The following UBE2F variants were observed in gnomAD, a reference collection of about 807,000 sequenced individuals.
The protein encoded by UBE2F is NEDD8-conjugating enzyme UBE2F.
In UBE2F, 5 loss-of-function variants were observed where a neutral mutation model predicts 29.6. That is an observed-to-expected ratio of 0.17 (90% CI 0.09 to 0.36). UBE2F has a LOEUF of 0.36. Ranked by LOEUF, UBE2F falls within the 10% of genes least tolerant of loss-of-function variation. The probability of loss-of-function intolerance (pLI) is 1.00; values close to 1 mark genes in which losing one functional copy is unlikely to be tolerated. For synonymous variants in UBE2F, 66 were observed against 81.8 expected, an observed-to-expected ratio of 0.81 and a Z score of 1.04; for missense variants, 141 against 228.5, an observed-to-expected ratio of 0.62 and a Z score of 2.47.
At chr2:238,018,374 G>A (rs2064212505) in intron 5 of UBE2F, among the ~76,000 whole-genome samples, 1 of 152,120 alleles carries the variant, frequency 6.6e-6, no homozygotes, top group South Asian at 2.1e-4. Flanking sequence ...CAAGTCGTGA[G>A]GCATCAGAGA....
At position 237,967,979 on chromosome 2, in the gene UBE2F, G is replaced by A. The variant is rs2063095405; in HGVS notation, c.-17+847G>A. On this transcript the variant is annotated intron_variant, in intron 1 of 9. Coordinates refer to ENST00000272930, the MANE Select transcript of UBE2F (RefSeq NM_080678.3). This position sits in a 1 kb window ranked among gnomAD's most constrained non-coding sequence, Gnocchi z 6.3. The stretch of plus-strand genomic sequence containing the variant: ...GAATAGCCAGAGAAAGCTTCTTGGA[G>A]GAGGAGATGTTGGGATGTAGGTAGG... Among the ~76,000 whole-genome samples the A allele has an allele frequency of 6.6e-6, 1 of 152,174 alleles. No homozygotes were observed. Among genetic ancestry groups the A allele is most frequent in the South Asian group, 2.1e-4 (1 of 4,834 alleles).
At chr2:238,038,080 G>C (rs1037386564) in intron 9 of UBE2F, among the ~76,000 whole-genome samples, 1 of 152,214 alleles carries the variant, frequency 6.6e-6, no homozygotes, top group Non-Finnish European at 1.5e-5. Context: ...CCTGACCATG[G>C]CCCCAAAGAG....
intron 3 of UBE2F, among the ~76,000 whole-genome samples, chr2:237,990,833 C>A (rs2063573355): frequency 1.3e-5 from 2 of 151,796 alleles, no homozygotes; most frequent in Admixed American, 6.6e-5. Flanking sequence ...CCAGGCTGAT[C>A]TCAAACTCCT....
chr2:238,031,289 G>A (rs2064570365), intron 7 of UBE2F, among the ~76,000 whole-genome samples: 1 of 152,206 alleles, frequency 6.6e-6, no homozygotes, highest in Non-Finnish European at 1.5e-5. Flanking sequence ...CCCTCTCCCT[G>A]GCAGACTCCT....
At chr2:238,004,873 C>T (rs561655986) in intron 4 of UBE2F, among the ~76,000 whole-genome samples, 2 of 152,294 alleles carry the variant, frequency 1.3e-5, no homozygotes, top group African/African-American at 4.8e-5. Flanking sequence ...CAGAAAGACT[C>T]ACCTGCCACT....
intron 4 of UBE2F, among the ~76,000 whole-genome samples, chr2:238,015,515 T>A (rs889792297): frequency 2.6e-5 from 4 of 152,026 alleles, no homozygotes; most frequent in African/African-American, 9.7e-5. Flanking sequence ...AAAAAAAATG[T>A]TAGGGTCCAG....
At chr2:237,992,652 A>G (rs1377978585) in intron 3 of UBE2F, among the ~76,000 whole-genome samples, 1 of 152,212 alleles carries the variant, frequency 6.6e-6, no homozygotes, top group African/African-American at 2.4e-5. Flanking sequence ...AGGTAGGGGA[A>G]GGAGTCATGA....
chr2:237,968,767 A>C (rs62194508), intron 1 of UBE2F: 294,515 of 815,406 alleles, frequency 0.36, 56,178 homozygotes, highest in Admixed American at 0.41. Flanking sequence ...TTAGAAACTG[A>C]GAATGCTGTT....
intron 4 of UBE2F, among the ~76,000 whole-genome samples, chr2:238,012,640 C>T (rs1021389390): frequency 6.6e-6 from 1 of 152,028 alleles, no homozygotes; most frequent in Non-Finnish European, 1.5e-5. Context: ...AACTAGTCTG[C>T]GAAATCACTC....
At chr2:237,975,355 G>A (rs1289672015) in intron 2 of UBE2F, among the ~76,000 whole-genome samples, 1 of 151,174 alleles carries the variant, frequency 6.6e-6, no homozygotes, top group Non-Finnish European at 1.5e-5. Context: ...AGTGATCCAC[G>A]CACCTCGGCC....
At chr2:238,001,791 G>T (rs914503827) in intron 4 of UBE2F, among the ~76,000 whole-genome samples, 3 of 152,028 alleles carry the variant, frequency 2.0e-5, no homozygotes, top group Non-Finnish European at 4.4e-5. Context: ...CTGCACTCCA[G>T]CCTGGGCGAC....
chr2:238,021,728 T>C (rs1334763077), intron 5 of UBE2F, among the ~76,000 whole-genome samples: 1 of 152,252 alleles, frequency 6.6e-6, no homozygotes, highest in Non-Finnish European at 1.5e-5. Context: ...GTGGACCACA[T>C]AGTCTCTGTC....
intron 2 of UBE2F, among the ~76,000 whole-genome samples, chr2:237,977,219 A>AG (rs376305272): frequency 0.025 from 3,764 of 148,282 alleles, 156 homozygotes; most frequent in African/African-American, 0.093. Context: ...AAGAACAAGA[A>AG]GGTCTCACAA....
At chr2:238,037,257 C>T (rs1391899568) in intron 9 of UBE2F, among the ~76,000 whole-genome samples, 3 of 152,184 alleles carry the variant, frequency 2.0e-5, no homozygotes, top group African/African-American at 7.2e-5. Flanking sequence ...AAAGGTATAA[C>T]AAAACCCAAG....
At chr2:238,009,724 T>G (rs1213756281) in intron 4 of UBE2F, among the ~76,000 whole-genome samples, 3 of 152,162 alleles carry the variant, frequency 2.0e-5, no homozygotes, top group Non-Finnish European at 2.9e-5. Context: ...TCACACTCAC[T>G]TCCTCTTCTC....
At position 238,016,365 on chromosome 2, in the gene UBE2F, A is replaced by T. The variant is rs186460272; in HGVS notation, c.215-201A>T. Among the ~76,000 whole-genome samples the T allele has an allele frequency of 5.0e-3, 758 of 152,256 alleles. 26 individuals carry two copies. The highest frequency in any genetic ancestry group is 0.046 in the Admixed American group (700 of 15,304). ...AGAAGACAGACAGGCAGGTGACAGCATGGAGCCCATTTCTGTTCAGGCAGG... is the reference window on the plus strand; with the variant it reads ...AGAAGACAGACAGGCAGGTGACAGCTTGGAGCCCATTTCTGTTCAGGCAGG... On this transcript the variant is annotated intron_variant, in intron 4 of 9. Transcript: ENST00000272930.
chr2:237,996,562 G>A (rs1027293335), intron 4 of UBE2F, among the ~76,000 whole-genome samples: 1 of 149,660 alleles, frequency 6.7e-6, no homozygotes, highest in Non-Finnish European at 1.5e-5. Flanking sequence ...TGCAACCTTC[G>A]CCTTCCGGGT....
intron 7 of UBE2F, among the ~76,000 whole-genome samples, chr2:238,031,809 C>T (rs2064588517): frequency 6.6e-6 from 1 of 152,238 alleles, no homozygotes; most frequent in Non-Finnish European, 1.5e-5. Context: ...TTATCTACGA[C>T]CGCAAGAGGC....
At chr2:238,032,035 T>C (rs2064593645) in intron 7 of UBE2F, among the ~76,000 whole-genome samples, 187 bp from the exon 8 acceptor site, 1 of 152,270 alleles carries the variant, frequency 6.6e-6, no homozygotes, top group African/African-American at 2.4e-5. Flanking sequence ...ACTGCTCATA[T>C]CTTTGAATTT....
Sources: gnomAD v4.1 joint callset for allele counts (sites outside exome capture counted in the v4.1 genomes callset) on GRCh38, gnomAD v4.1.1 for gene constraint, Gnocchi (gnomAD v3.1) non-coding constraint, MANE v1.5 for transcripts, NCBI Gene and HGNC (gene_info 2026-07-23, HGNC 2026-07-21) for gene names.